GRID2: variants seen among roughly 807,000 people sequenced by gnomAD.
The protein encoded by GRID2 is glutamate ionotropic receptor delta type subunit 2.
A neutral mutation model predicts 114.8 loss-of-function variants in GRID2; 33 were observed. The ratio of observed to expected loss-of-function variants is 0.29; its 90% CI spans 0.22 to 0.38. The LOEUF (loss-of-function observed/expected upper bound fraction) is 0.38. Ranked by LOEUF, GRID2 falls within the 10% of genes least tolerant of loss-of-function variation. GRID2 has a pLI of 1.00. For missense variants in GRID2, 1,184 were observed against 1,257.7 expected (o/e 0.94, Z 0.89); for synonymous variants, 505 against 449.9 (o/e 1.12, Z -1.55).
intron 1 of GRID2, among the ~76,000 whole-genome samples, chr4:92,574,613 G>C (rs6851161): frequency 0.14 from 20,992 of 151,986 alleles, 2,347 homozygotes; most frequent in African/African-American, 0.31. Context: ...TGAAATTCTA[G>C]ATTGGAAATT....
chr4:92,847,447 A>G (rs551927678), intron 2 of GRID2, among the ~76,000 whole-genome samples: 1 of 152,180 alleles, frequency 6.6e-6, no homozygotes, highest in African/African-American at 2.4e-5. Flanking sequence ...TGGCCTCTCT[A>G]TCACTGTCTT....
intron 1 of GRID2, among the ~76,000 whole-genome samples, chr4:93,805,982 A>T (rs1284183986): frequency 6.6e-6 from 1 of 152,178 alleles, no homozygotes; most frequent in Non-Finnish European, 1.5e-5. Flanking sequence ...CTGTGGTCCC[A>T]GCTACTCGGG....
intron 4 of GRID2, among the ~76,000 whole-genome samples, chr4:93,129,027 C>T (rs916935288): frequency 6.6e-6 from 1 of 152,126 alleles, no homozygotes; most frequent in Non-Finnish European, 1.5e-5. Flanking sequence ...ACAAACAAAC[C>T]TATCAACCTA....
intron 14 of GRID2, among the ~76,000 whole-genome samples, chr4:93,650,021 C>G (rs1028361620): frequency 2.0e-5 from 3 of 152,156 alleles, no homozygotes; most frequent in Non-Finnish European, 2.9e-5. Context: ...CCCAGCCCCC[C>G]ATCTGCATTC....
intron 2 of GRID2, among the ~76,000 whole-genome samples, chr4:92,660,922 A>C (rs1579790029): frequency 6.6e-6 from 1 of 151,286 alleles, no homozygotes; most frequent in East Asian, 1.9e-4. Flanking sequence ...TTTTATGATT[A>C]GAAATAATAG....
At chr4:92,556,808 G>A (rs892003134) in intron 1 of GRID2, among the ~76,000 whole-genome samples, 6 of 152,214 alleles carry the variant, frequency 3.9e-5, no homozygotes, top group African/African-American at 1.4e-4. Context: ...GTATGAGCAA[G>A]CCCCAGAAGC....
At chr4:92,483,806 A>G (rs2149107220) in intron 1 of GRID2, among the ~76,000 whole-genome samples, 1 of 152,302 alleles carries the variant, frequency 6.6e-6, no homozygotes, top group South Asian at 2.1e-4. Flanking sequence ...GAAAAAAATT[A>G]AAATGCCTCT....
chr4:93,342,783 C>G (rs1044790267), intron 8 of GRID2, among the ~76,000 whole-genome samples: 2 of 152,072 alleles, frequency 1.3e-5, no homozygotes, highest in Admixed American at 1.3e-4. Context: ...TCCTTCTTAA[C>G]TTGTGTATTT....
intron 14 of GRID2, among the ~76,000 whole-genome samples, chr4:93,670,264 A>T (rs1203596181): frequency 6.6e-6 from 1 of 152,138 alleles, no homozygotes; most frequent in Admixed American, 6.5e-5. Flanking sequence ...GCACCCTGAA[A>T]CTCAAGGTGC....
intron 8 of GRID2, among the ~76,000 whole-genome samples, chr4:93,295,141 G>A (rs1754156582): frequency 6.6e-6 from 1 of 152,096 alleles, no homozygotes; most frequent in Admixed American, 6.6e-5. Context: ...AGGCAACTGG[G>A]TGAATAAAAT....
chr4:92,676,179 T>TC (rs748434916), intron 2 of GRID2, among the ~76,000 whole-genome samples: 11 of 115,706 alleles, frequency 9.5e-5, no homozygotes, highest in Non-Finnish European at 1.9e-4. Context: ...CCTTTTTTTT[T>TC]TGTGGTTGTT....
chr4:93,602,310 T>C (rs778270297), intron 13 of GRID2, among the ~76,000 whole-genome samples: 158 of 152,178 alleles, frequency 1.0e-3, no homozygotes, highest in Non-Finnish European at 1.9e-3. Context: ...ATAGTCAGTC[T>C]AAAAAAAGTT....
intron 13 of GRID2, among the ~76,000 whole-genome samples, chr4:93,591,310 T>C (rs980269170): frequency 6.6e-6 from 1 of 151,982 alleles, no homozygotes; most frequent in African/African-American, 2.4e-5. Flanking sequence ...TCTATTGATA[T>C]AATCATGTGG....
At chr4:93,758,606 T>A (rs1471371974) in intron 14 of GRID2, among the ~76,000 whole-genome samples, 1 of 152,216 alleles carries the variant, frequency 6.6e-6, no homozygotes, top group East Asian at 1.9e-4. Flanking sequence ...CCTAAGAGTA[T>A]GTCAAAGCTG....
intron 13 of GRID2, among the ~76,000 whole-genome samples, chr4:93,557,876 A>T (rs1734472693): frequency 1.3e-5 from 2 of 152,332 alleles, no homozygotes; most frequent in South Asian, 2.1e-4. Context: ...AATGGAAATC[A>T]TAACAAACAG....
chr4:92,827,129 A>T (rs2149394197), intron 2 of GRID2, among the ~76,000 whole-genome samples: 1 of 152,198 alleles, frequency 6.6e-6, no homozygotes, highest in Admixed American at 6.6e-5. Context: ...GTAGAAAATC[A>T]GATAAAAGAA....
At chr4:92,486,027 T>C (rs1250673869) in intron 1 of GRID2, among the ~76,000 whole-genome samples, 6 of 151,952 alleles carry the variant, frequency 3.9e-5, no homozygotes, top group African/African-American at 1.4e-4. Context: ...TGGGTTCTCA[T>C]TAACACTCAA....
chr4:93,657,764 T>C (rs532255642), intron 14 of GRID2, among the ~76,000 whole-genome samples: 1 of 152,342 alleles, frequency 6.6e-6, no homozygotes, highest in East Asian at 1.9e-4. Context: ...TTACTCAAAA[T>C]GTTCTACTTA....
chr4:93,579,908 G>A (rs747010763), intron 13 of GRID2, among the ~76,000 whole-genome samples: 25 of 152,190 alleles, frequency 1.6e-4, no homozygotes, highest in Non-Finnish European at 3.2e-4. Context: ...AAATAAGACT[G>A]ACTGGCAGAG....
Sources: gnomAD v4.1 joint callset for allele counts (sites outside exome capture counted in the v4.1 genomes callset) on GRCh38, gnomAD v4.1.1 for gene constraint, MANE v1.5 for transcripts, NCBI Gene and HGNC (gene_info 2026-07-23, HGNC 2026-07-21) for gene names.